The following HLCS variants were observed in gnomAD, a reference collection of about 807,000 sequenced individuals.
HLCS encodes biotin--protein ligase.
Under a neutral mutation model 75.0 loss-of-function variants are expected in HLCS, and 53 were observed. The ratio of observed to expected loss-of-function variants is 0.71; its 90% CI spans 0.57 to 0.89. HLCS has a LOEUF of 0.89. HLCS is among the 40% of genes least tolerant of loss of function. The probability of loss-of-function intolerance (pLI) is 0.00; values close to 1 mark genes in which losing one functional copy is unlikely to be tolerated. For synonymous variants in HLCS, 431 were observed against 428.6 expected, an observed-to-expected ratio of 1.01 and a Z score of -0.07; for missense variants, 966 against 1,074.0, an observed-to-expected ratio of 0.90 and a Z score of 1.41.
chr21:36,765,082 C>T lies in HLCS; in HGVS notation c.2051G>A (p.Arg684Lys). Residue 684 changes from arginine (R) to lysine (K), a missense_variant, in exon 8 of 11, where the codon AGG (arginine) becomes AAG (lysine). Arg to Lys is a conservative substitution (Grantham distance 26). Coordinates refer to ENST00000674895, the MANE Select transcript of HLCS (RefSeq NM_001352514.2). ...SIPLRSQLGQ[R>K]IPFVQHLMSV... Reference sequence around the variant, plus strand: ...CATCAGATGCTGGACAAACGGGATCCTCTGTCCCAGCTGGGATCTCAGTGG... The same window carrying T: ...CATCAGATGCTGGACAAACGGGATCTTCTGTCCCAGCTGGGATCTCAGTGG... 3.1e-6 allele frequency: 5 copies of T among 1,614,188 alleles called. No homozygotes were observed. Among genetic ancestry groups the T allele is most frequent in the Non-Finnish European group, 4.2e-6 (5 of 1,180,002 alleles).
At chr21:36,782,846 T>C (rs1472410351) in intron 6 of HLCS, among the ~76,000 whole-genome samples, 1 of 151,902 alleles carries the variant, frequency 6.6e-6, no homozygotes, top group Admixed American at 6.6e-5. Flanking sequence ...TAGCTGAGCA[T>C]AGTGGCAGGC....
chr21:36,955,177 G>A (rs2845814), intron 2 of HLCS, among the ~76,000 whole-genome samples: 85,013 of 152,142 alleles, frequency 0.56, 24,014 homozygotes, highest in East Asian at 0.64. Flanking sequence ...GTTACTGCCC[G>A]TGAAGACCTT....
intron 6 of HLCS, among the ~76,000 whole-genome samples, chr21:36,888,435 AAAAAAAAAAAATATATATATATATATAT>A (rs1462821882): frequency 1.1e-3 from 27 of 24,912 alleles, no homozygotes; most frequent in African/African-American, 3.0e-3. Context: ...TCCCATTTAA[AAAAAAAAAAAATATATATATATATATAT>A]ATATATATAT....
At chr21:36,944,835 T>C (rs2067307925) in intron 2 of HLCS, among the ~76,000 whole-genome samples, 1 of 152,152 alleles carries the variant, frequency 6.6e-6, no homozygotes, top group South Asian at 2.1e-4. Flanking sequence ...TGTTGCACTA[T>C]TCCTTGGCCT....
At chr21:36,961,933 G>T (rs1032433086) in intron 2 of HLCS, 103 bp downstream of exon 2, 25 of 683,984 alleles carry the variant, frequency 3.7e-5, no homozygotes, top group Middle Eastern at 3.3e-4. Flanking sequence ...CAGCCTGGGT[G>T]ACAGAGCAAG....
intron 5 of HLCS, among the ~76,000 whole-genome samples, chr21:36,903,188 C>T (rs1231574534): frequency 3.3e-5 from 5 of 152,120 alleles, no homozygotes; most frequent in Non-Finnish European, 5.9e-5. Flanking sequence ...TTTCGGTTTT[C>T]GGACTACAGA....
At chr21:36,931,861 T>C (rs2066658734) in intron 4 of HLCS, among the ~76,000 whole-genome samples, 1 of 152,144 alleles carries the variant, frequency 6.6e-6, no homozygotes, top group Non-Finnish European at 1.5e-5. Flanking sequence ...GAAAAAGAAA[T>C]CACTTCCCAG....
chr21:36,772,107 C>A (rs144478601), intron 6 of HLCS, among the ~76,000 whole-genome samples: 466 of 152,022 alleles, frequency 3.1e-3, no homozygotes, highest in African/African-American at 0.011. Flanking sequence ...GAACATAAGT[C>A]ATCTAGGTAA....
upstream of HLCS, among the ~76,000 whole-genome samples, chr21:36,967,494 G>T (rs1000294277): frequency 6.6e-6 from 1 of 152,164 alleles, no homozygotes; most frequent in South Asian, 2.1e-4. Context: ...CCATGATTTG[G>T]TGTTCTTGTC....
At chr21:36,894,013 A>G (rs990485805) in intron 6 of HLCS, among the ~76,000 whole-genome samples, 3 of 152,156 alleles carry the variant, frequency 2.0e-5, no homozygotes, top group Non-Finnish European at 4.4e-5. Context: ...AATTGTAATC[A>G]GTGTTGGAGG....
intron 6 of HLCS, among the ~76,000 whole-genome samples, chr21:36,780,094 C>G (rs73902726): frequency 1.3e-5 from 2 of 152,076 alleles, no homozygotes; most frequent in Non-Finnish European, 2.9e-5. Flanking sequence ...TTTGTCTCCC[C>G]CATCCACCTA....
At chr21:36,760,339 G>A (rs370758378) in intron 8 of HLCS, among the ~76,000 whole-genome samples, 6 of 152,156 alleles carry the variant, frequency 3.9e-5, no homozygotes, top group African/African-American at 1.4e-4. Context: ...GGCCAGGCGC[G>A]CTGGCTCACA....
At chr21:36,927,577 A>G (rs770078326) in intron 5 of HLCS, among the ~76,000 whole-genome samples, 11 of 152,224 alleles carry the variant, frequency 7.2e-5, no homozygotes, top group Non-Finnish European at 1.3e-4. Context: ...TTCATATCCC[A>G]TACTATAATA....
chr21:36,768,266 G>A (rs761801160), intron 6 of HLCS, among the ~76,000 whole-genome samples: 3 of 152,136 alleles, frequency 2.0e-5, no homozygotes, highest in South Asian at 2.1e-4. Context: ...ACAGGGATGC[G>A]GAAGGGATGG....
At chr21:36,783,202 C>T (rs1569002352) in intron 6 of HLCS, among the ~76,000 whole-genome samples, 1 of 152,062 alleles carries the variant, frequency 6.6e-6, no homozygotes, top group Non-Finnish European at 1.5e-5. Flanking sequence ...CCATCAGAAT[C>T]GCCTGCAGTT....
intron 5 of HLCS, among the ~76,000 whole-genome samples, chr21:36,907,603 T>C (rs8126803): frequency 0.33 from 49,666 of 151,814 alleles, 8,403 homozygotes; most frequent in Middle Eastern, 0.46. Flanking sequence ...TTGCAGTAAG[T>C]TGAGATCATG....
rs1019897736 is a variant in HLCS at position 36,938,946 on chromosome 21, C to T, written c.379G>A (p.Asp127Asn). 1 of 1,612,820 alleles carries T rather than the reference C, an allele frequency of 6.2e-7. No individual in the cohort carries two copies. Among genetic ancestry groups the T allele is most frequent in the Non-Finnish European group, 8.5e-7 (1 of 1,179,974 alleles). The change falls in exon 3 of 11, where the codon GAT (aspartate) becomes AAT (asparagine). Residue 127 changes from aspartate (D) to asparagine (N), a missense_variant. Asp to Asn is a conservative substitution (Grantham distance 23). Transcript: ENST00000674895. The part of the protein sequence containing the change: ...CCLPLACRPG[D>N]PYRLIAEASV... Reference sequence around the variant, plus strand: ...GCTTCAGCAATTAGCCGATAAGGATCCCCAGGTCTGCAAGCTAATGGCAAA... The same window carrying T: ...GCTTCAGCAATTAGCCGATAAGGATTCCCAGGTCTGCAAGCTAATGGCAAA...
intron 8 of HLCS, among the ~76,000 whole-genome samples, chr21:36,760,150 T>C (rs1487138207): frequency 6.6e-6 from 1 of 152,132 alleles, no homozygotes; most frequent in Non-Finnish European, 1.5e-5. Flanking sequence ...ATTATGTCAG[T>C]ATCCACCACC....
chr21:36,876,554 T>C (rs1364542365), intron 6 of HLCS, among the ~76,000 whole-genome samples: 1 of 152,212 alleles, frequency 6.6e-6, no homozygotes, highest in East Asian at 1.9e-4. Flanking sequence ...TAAATACTTG[T>C]GGGTTTCCTA....
Sources: allele counts gnomAD v4.1 joint callset (sites outside exome capture counted in the v4.1 genomes callset), GRCh38; gene constraint gnomAD v4.1.1; transcripts MANE v1.5; gene names NCBI Gene and HGNC (gene_info 2026-07-23, HGNC 2026-07-21).